The following LINGO2 variants were observed in gnomAD, a reference collection of about 807,000 sequenced individuals.
LINGO2 encodes the protein leucine-rich repeat and immunoglobulin-like domain-containing nogo receptor-interacting protein 2.
Under a neutral mutation model 30.6 loss-of-function variants are expected in LINGO2, and 14 were observed. The ratio of observed to expected loss-of-function variants is 0.46; its 90% confidence interval spans 0.30 to 0.72. LINGO2 has a LOEUF of 0.72. Ranked by LOEUF, LINGO2 falls within the 30% of genes least tolerant of loss-of-function variation. LINGO2 has a pLI of 0.07. For missense variants in LINGO2, 729 were observed against 751.7 expected, an observed-to-expected ratio of 0.97 and a Z score of 0.35; for synonymous variants, 317 against 288.5, an observed-to-expected ratio of 1.10 and a Z score of -1.00.
intron 3 of LINGO2, among the ~76,000 whole-genome samples, chr9:28,348,905 G>A (rs569261856): frequency 0.019 from 2,850 of 151,826 alleles, 92 homozygotes; most frequent in African/African-American, 0.065. Flanking sequence ...ACCTCACATG[G>A]CAGGGTATTC....
chr9:28,684,600 C>A, the LINGO2 span, among the ~76,000 whole-genome samples: 10 of 150,198 alleles, frequency 6.7e-5, no homozygotes, highest in South Asian at 4.3e-4. Context: ...TTCTCTGCAA[C>A]CTCCACCTCC....
At chr9:28,270,527 C>G (rs566703054) in intron 4 of LINGO2, among the ~76,000 whole-genome samples, 41 of 152,126 alleles carry the variant, frequency 2.7e-4, no homozygotes, top group African/African-American at 9.9e-4. Flanking sequence ...AGAGCCAAAA[C>G]CCACATTTTC....
At chr9:28,243,657 C>A (rs565361781) in intron 4 of LINGO2, among the ~76,000 whole-genome samples, 1 of 151,052 alleles carries the variant, frequency 6.6e-6, no homozygotes, top group South Asian at 2.1e-4. Context: ...ACAAAAAAAA[C>A]GGGTTGGATT....
intron 2 of LINGO2, among the ~76,000 whole-genome samples, chr9:28,460,381 A>G (rs1825029306): frequency 6.6e-6 from 1 of 152,264 alleles, no homozygotes; most frequent in South Asian, 2.1e-4. Flanking sequence ...TTGCAAAACT[A>G]TCTGAGAACT....
At chr9:28,451,887 T>C (rs988832665) in intron 2 of LINGO2, among the ~76,000 whole-genome samples, 1 of 151,712 alleles carries the variant, frequency 6.6e-6, no homozygotes, top group Non-Finnish European at 1.5e-5. Flanking sequence ...CAACATGAAG[T>C]AATTATCAAT....
Position 28,065,205 on chromosome 9 carries a change from C to CA in LINGO2, c.-86-52801dup, listed in dbSNP as rs947327228. Among the ~76,000 whole-genome samples the CA allele has an allele frequency of 8.1e-5, 12 of 148,406 alleles. No homozygotes were observed. In the South Asian group the frequency reaches 8.6e-4, roughly 11 times the overall value. On this transcript the variant is annotated intron_variant, in intron 4 of 5. Transcript: ENST00000379992. The stretch of plus-strand genomic sequence containing the variant: ...TGATCTCCAAGTTAAAAAAAAAAAA[C>CA]AAAAAAAACACTGTCTCAAGATCAA...
intron 4 of LINGO2, among the ~76,000 whole-genome samples, chr9:28,223,587 T>C (rs561256985): frequency 6.6e-6 from 1 of 152,178 alleles, no homozygotes; most frequent in African/African-American, 2.4e-5. Context: ...ATCAGGCTGA[T>C]TGGGATGGAA....
At chr9:28,556,838 C>G (rs1206636907) in intron 1 of LINGO2, among the ~76,000 whole-genome samples, 1 of 151,930 alleles carries the variant, frequency 6.6e-6, no homozygotes, top group African/African-American at 2.4e-5. Context: ...TCAGAAATAA[C>G]ACTGCATATC....
chr9:28,723,601 C>A, the LINGO2 span, among the ~76,000 whole-genome samples: 6 of 152,022 alleles, frequency 3.9e-5, no homozygotes, highest in Non-Finnish European at 7.4e-5. Context: ...TTGGTGAACT[C>A]GTCAGTGCTA....
intron 1 of LINGO2, among the ~76,000 whole-genome samples, chr9:28,619,450 T>G (rs1272773309): frequency 1.3e-5 from 2 of 152,274 alleles, no homozygotes; most frequent in Admixed American, 6.5e-5. Context: ...TCAATTTTCT[T>G]ACGCCACTTC....
intron 4 of LINGO2, among the ~76,000 whole-genome samples, chr9:28,079,043 A>G (rs1323519952): frequency 6.7e-6 from 1 of 148,718 alleles, no homozygotes; most frequent in Non-Finnish European, 1.5e-5. Flanking sequence ...GCTCCCTGGT[A>G]AAATGGTCCT....
At chr9:28,644,066 C>A (rs922979879) in intron 1 of LINGO2, among the ~76,000 whole-genome samples, 1 of 151,976 alleles carries the variant, frequency 6.6e-6, no homozygotes, top group African/African-American at 2.4e-5. Flanking sequence ...GAAAAGAGAA[C>A]CCTTGTGCAC....
At chr9:29,004,228 T>C in the LINGO2 span, among the ~76,000 whole-genome samples, 779 of 151,746 alleles carry the variant, frequency 5.1e-3, 10 homozygotes, top group African/African-American at 0.018. Context: ...GATATTTCTC[T>C]CTCTCTTTTT....
At chr9:28,415,479 T>C (rs772786392) in intron 2 of LINGO2, among the ~76,000 whole-genome samples, 8 of 152,162 alleles carry the variant, frequency 5.3e-5, no homozygotes, top group Non-Finnish European at 1.0e-4. Context: ...CTGCATGAAA[T>C]GGCCCTTCTA....
intron 2 of LINGO2, among the ~76,000 whole-genome samples, chr9:28,473,302 A>G (rs1267932667): frequency 1.3e-5 from 2 of 152,044 alleles, no homozygotes; most frequent in South Asian, 2.1e-4. Context: ...GCAGCATTCA[A>G]TTAATGCAAT....
intron 3 of LINGO2, among the ~76,000 whole-genome samples, chr9:28,305,695 T>C (rs1824320756): frequency 6.6e-6 from 1 of 152,022 alleles, no homozygotes; most frequent in Non-Finnish European, 1.5e-5. Flanking sequence ...CTATAAAACA[T>C]TGCTCAGAAA....
chr9:28,416,230 C>T (rs938095571), intron 2 of LINGO2, among the ~76,000 whole-genome samples: 4 of 152,068 alleles, frequency 2.6e-5, no homozygotes, highest in African/African-American at 4.8e-5. Flanking sequence ...TAAAATTAAA[C>T]ATTTTCTGTT....
the LINGO2 span, among the ~76,000 whole-genome samples, chr9:28,765,912 AAATAC>A: frequency 1.3e-5 from 2 of 152,040 alleles, no homozygotes; most frequent in Admixed American, 6.6e-5. Context: ...ATAAATAAAT[AAATAC>A]AACTGTCATA....
At chr9:28,004,801 G>A (rs1377545363) in intron 5 of LINGO2, among the ~76,000 whole-genome samples, 2 of 152,196 alleles carry the variant, frequency 1.3e-5, no homozygotes, top group Non-Finnish European at 2.9e-5. Flanking sequence ...GTGATGGTTT[G>A]AAATGGAGGT....
Sources: allele counts gnomAD v4.1 joint callset (sites outside exome capture counted in the v4.1 genomes callset), GRCh38; gene constraint gnomAD v4.1.1; transcripts MANE v1.5; gene names NCBI Gene and HGNC (gene_info 2026-07-23, HGNC 2026-07-21).